Variants in EPB41L1 observed in about 807,000 individuals in gnomAD.
EPB41L1 encodes the protein band 4.1-like protein 1.
EPB41L1 carries 29 observed loss-of-function variants against 97.8 expected under a neutral mutation model. The observed-to-expected ratio is 0.30, with a 90% confidence interval of 0.22 to 0.40. The LOEUF is 0.40. Ranked by LOEUF, EPB41L1 falls within the 10% of genes least tolerant of loss-of-function variation. EPB41L1 has a pLI of 1.00. For missense variants in EPB41L1, 812 were observed against 1,162.3 expected (o/e 0.70, Z 4.38); for synonymous variants, 383 against 459.2 (o/e 0.83, Z 2.12).
intron 15 of EPB41L1, among the ~76,000 whole-genome samples, chr20:36,211,119 G>A (rs2146831406): frequency 6.6e-6 from 1 of 151,572 alleles, no homozygotes; most frequent in Middle Eastern, 3.4e-3. Flanking sequence ...AGGCACAGTG[G>A]TTCACACCTG....
At chr20:36,117,792 CCT>C (rs2058631852) in intron 2 of EPB41L1, among the ~76,000 whole-genome samples, 1 of 152,216 alleles carries the variant, frequency 6.6e-6, no homozygotes, top group African/African-American at 2.4e-5. Flanking sequence ...TCCAGGACTC[CCT>C]CTCTGGTTCA....
At chr20:36,096,215 T>G (rs916028564) in intron 1 of EPB41L1, among the ~76,000 whole-genome samples, 2 of 152,058 alleles carry the variant, frequency 1.3e-5, no homozygotes, top group Admixed American at 6.5e-5. Flanking sequence ...TTGGAAAGCC[T>G]CCCCTGTCCC....
Position 36,178,737 on chromosome 20 carries a change from C to G in EPB41L1, c.490+65C>G, listed in dbSNP as rs958241583. On this transcript the variant is annotated intron_variant, in intron 5 of 21. Transcript: ENST00000338074. ...GGGATTCCAGGCCATGAGAGCCCCCCTTGTACTGCTCTCTCCTCCTTTGGA... is the reference window on the plus strand; with the variant it reads ...GGGATTCCAGGCCATGAGAGCCCCCGTTGTACTGCTCTCTCCTCCTTTGGA... 2.3e-5 allele frequency: 34 copies of G among 1,507,628 alleles called. No homozygotes were observed. In the Admixed American group the frequency reaches 2.7e-4, roughly 12 times the overall value. The allele number at this position is 1,507,628 out of a possible 1,614,324, so 93.4% of individuals were successfully genotyped here. A position where few individuals can be genotyped will look rare whatever the true frequency, so the allele number is the denominator to read the frequency against.
intron 21 of EPB41L1, among the ~76,000 whole-genome samples, chr20:36,225,258 AT>A (rs2064050247): frequency 6.6e-6 from 1 of 152,242 alleles, no homozygotes; most frequent in Non-Finnish European, 1.5e-5. Flanking sequence ...AGTGATTGTC[AT>A]TCCTATCCCC....
intron 21 of EPB41L1, among the ~76,000 whole-genome samples, chr20:36,226,775 CTG>C (rs140099608): frequency 6.6e-5 from 10 of 152,322 alleles, no homozygotes; most frequent in Non-Finnish European, 1.3e-4. Context: ...AATCATAACA[CTG>C]TATTGTTTAG....
chr20:36,160,063 A>G (rs933368560), intron 1 of EPB41L1, among the ~76,000 whole-genome samples: 2 of 152,326 alleles, frequency 1.3e-5, no homozygotes, highest in Admixed American at 6.5e-5. Flanking sequence ...GGTCTGATAC[A>G]ATTAATGTTA....
At chr20:36,121,087 A>AG (rs1468355884) in intron 2 of EPB41L1, among the ~76,000 whole-genome samples, 2 of 151,122 alleles carry the variant, frequency 1.3e-5, no homozygotes, top group South Asian at 2.1e-4. Context: ...AAAAAAAAAA[A>AG]AGAGAGCGAT....
At chr20:36,126,233 G>A (rs2058961217) in intron 2 of EPB41L1, among the ~76,000 whole-genome samples, 1 of 152,190 alleles carries the variant, frequency 6.6e-6, no homozygotes, top group Non-Finnish European at 1.5e-5. Context: ...TCCTAAGGAG[G>A]GGTGGCAGCT....
At chr20:36,127,816 C>T (rs769388056) in intron 2 of EPB41L1, among the ~76,000 whole-genome samples, 43 of 152,148 alleles carry the variant, frequency 2.8e-4, no homozygotes, top group Non-Finnish European at 4.4e-4. Flanking sequence ...CATTCTCTCT[C>T]GTAGGTTCCC....
At position 36,207,898 on chromosome 20, in the gene EPB41L1, AG is replaced by A. The variant is rs1391969076; in HGVS notation, c.1669-1588del. On this transcript the variant is annotated intron_variant, in intron 14 of 21. Coordinates refer to ENST00000338074, the MANE Select transcript of EPB41L1 (RefSeq NM_012156.2). The surrounding 1 kb of genome is among the most constrained non-coding windows in gnomAD (Gnocchi z 4.9). ...GGCCCCTCGTCATTTCTGCAATCAGAGGCTGCTTATCCATCCCTGTGAGTTT... is the reference window on the plus strand; with the variant it reads ...GGCCCCTCGTCATTTCTGCAATCAGAGCTGCTTATCCATCCCTGTGAGTTT... 21 of 1,108,264 alleles carry A rather than the reference AG, an allele frequency of 1.9e-5. No individual in the cohort carries two copies. The allele number at this position is 1,108,264 out of a possible 1,614,324, so 68.7% of individuals were successfully genotyped here.
At chr20:36,223,777 A>G (rs2063933096) in intron 21 of EPB41L1, among the ~76,000 whole-genome samples, 1 of 152,168 alleles carries the variant, frequency 6.6e-6, no homozygotes, top group Admixed American at 6.5e-5. Context: ...GGTACTGGAA[A>G]TGTCACTATT....
intron 1 of EPB41L1, among the ~76,000 whole-genome samples, chr20:36,161,150 AGGT>A (rs1474305002): frequency 1.3e-5 from 2 of 152,170 alleles, no homozygotes; most frequent in Non-Finnish European, 2.9e-5. Context: ...CACCCTCAAA[AGGT>A]GGTGATGTCC....
intron 5 of EPB41L1, 38 bp from the exon 6 acceptor site, chr20:36,182,234 G>A: frequency 6.3e-7 from 1 of 1,599,242 alleles, no homozygotes; most frequent in Non-Finnish European, 8.6e-7. Flanking sequence ...CCAGTGGGGT[G>A]TTAGGGCCTC....
chr20:36,130,464 G>A (rs577042468), intron 2 of EPB41L1, among the ~76,000 whole-genome samples: 9 of 152,198 alleles, frequency 5.9e-5, no homozygotes, highest in South Asian at 2.1e-4. Flanking sequence ...GCTGCCTTCC[G>A]TGTCGTTACT....
At chr20:36,147,180 G>GA (rs1281249666) in intron 2 of EPB41L1, among the ~76,000 whole-genome samples, 1 of 151,636 alleles carries the variant, frequency 6.6e-6, no homozygotes, top group African/African-American at 2.4e-5. Flanking sequence ...CAAAACAGAG[G>GA]AAAAAAAGAT....
At chr20:36,179,958 C>G (rs1332562788) in intron 5 of EPB41L1, among the ~76,000 whole-genome samples, 1 of 152,184 alleles carries the variant, frequency 6.6e-6, no homozygotes, top group Non-Finnish European at 1.5e-5. Flanking sequence ...CTAAAGGGAT[C>G]GGAAAACATA....
upstream of EPB41L1, chr20:36,153,212 C>T: frequency 2.5e-6 from 1 of 398,418 alleles, no homozygotes; most frequent in Non-Finnish European, 5.1e-6. Flanking sequence ...CTTTGGAGGC[C>T]CTAGAGTGCC....
At chr20:36,094,539 T>G (rs1380549432) in intron 1 of EPB41L1, among the ~76,000 whole-genome samples, 1 of 152,200 alleles carries the variant, frequency 6.6e-6, no homozygotes, top group Non-Finnish European at 1.5e-5. Context: ...TTCTTCCCCG[T>G]AACGTCACAT....
At chr20:36,132,694 G>T (rs984854738) in intron 2 of EPB41L1, among the ~76,000 whole-genome samples, 6 of 151,486 alleles carry the variant, frequency 4.0e-5, no homozygotes, top group African/African-American at 1.5e-4. Context: ...GGGCTTGGGG[G>T]TCCAGGCCTG....
Sources: gnomAD v4.1 joint callset for allele counts (sites outside exome capture counted in the v4.1 genomes callset) on GRCh38, gnomAD v4.1.1 for gene constraint, Gnocchi (gnomAD v3.1) non-coding constraint, MANE v1.5 for transcripts, NCBI Gene and HGNC (gene_info 2026-07-23, HGNC 2026-07-21) for gene names.